The following NBPF20 variants were observed in gnomAD, a reference collection of about 807,000 sequenced individuals.
NBPF20 encodes the protein NBPF member 20.
In NBPF20, 90 loss-of-function variants were observed where a neutral mutation model predicts 68.1. The ratio of observed to expected loss-of-function variants is 1.32; its 90% CI spans 1.11 to 1.58. The LOEUF is 1.58. NBPF20 is among the 40% of genes most tolerant of loss of function. The pLI is 0.00. For missense variants in NBPF20, 816 were observed against 601.2 expected (o/e 1.36, Z -3.74); for synonymous variants, 290 against 228.1 (o/e 1.27, Z -2.45).
the NBPF20 span, among the ~76,000 whole-genome samples, chr1:145,417,590 T>C: frequency 8.2e-6 from 1 of 121,566 alleles, no homozygotes; most frequent in East Asian, 2.3e-4. Flanking sequence ...CCAAAATATA[T>C]GAAGAATTCT....
At chr1:145,425,403 C>A in the NBPF20 span, among the ~76,000 whole-genome samples, 1 of 152,148 alleles carries the variant, frequency 6.6e-6, no homozygotes, top group Non-Finnish European at 1.5e-5. Context: ...CCCATCCAGA[C>A]GGCAGCCGCG....
At chr1:145,398,508 A>G (rs1408656416) in intron 7 of NBPF20, among the ~76,000 whole-genome samples, 2 of 152,194 alleles carry the variant, frequency 1.3e-5, no homozygotes, top group East Asian at 3.8e-4. Context: ...AGGCAGAAAT[A>G]AAGATGTTCT....
At chr1:145,291,333 A>C in exon 138 of NBPF20, 1 of 907,714 alleles carries the variant, frequency 1.1e-6, no homozygotes, top group East Asian at 2.5e-5. Flanking sequence ...AACGTGTCAC[A>C]CCTAACGTGG....
Position 145,292,014 on chromosome 1 carries a change from T to A in NBPF20, c.16698-245A>T, listed in dbSNP as rs1245234281. Among the ~76,000 whole-genome samples, 8 of 149,780 alleles carry A rather than the reference T, an allele frequency of 5.3e-5. 2 individuals carry two copies. The highest frequency in any genetic ancestry group is 2.0e-4 in the African/African-American group (8 of 39,204). ...AGAGAGAGAAAGTGACCTAGTGAAT[T>A]GCCCAGGTGACATACTGGTAAGGGA... On this transcript the variant is annotated intron_variant, in intron 137 of 137. Transcript: ENST00000369373.
chr1:145,405,113 G>A lies in NBPF20; in HGVS notation c.160C>T (p.Gln54Ter), dbSNP rs782173491. ...TAGATCTTACTGTATTTCTTCTGCTGGTTGGCCAGGAAGCCGGCCAGTTGA... is the reference window on the plus strand; with the variant it reads ...TAGATCTTACTGTATTTCTTCTGCTAGTTGGCCAGGAAGCCGGCCAGTTGA... The change falls in exon 2 of 138, where the codon CAG becomes TAG. Residue 54 changes from glutamine to a stop codon, truncating the protein, a stop_gained. Coordinates refer to ENST00000369373, the Ensembl canonical transcript of NBPF20. LOFTEE classifies it high-confidence loss of function. 2 of 1,613,692 alleles carry A rather than the reference G, an allele frequency of 1.2e-6. No homozygotes were observed. Among genetic ancestry groups the A allele is most frequent in the Admixed American group, 1.7e-5 (1 of 60,026 alleles).
rs1187887355 is a variant in NBPF20, at chr1:145,405,504, G to A, written c.-130C>T. ...GCCTCAACTCAGAGCTGAAAGCACT[G>A]CCAGTAGCTCAGACTCTGATAAGAG... On this transcript the variant is annotated 5_prime_UTR_variant, in exon 1 of 138. The change creates a premature stop within an existing upstream ORF in the 5' untranslated region. Transcript: ENST00000369373. The A allele has an allele frequency of 8.7e-6, 13 of 1,498,380 alleles. No homozygotes were observed. The highest frequency in any genetic ancestry group is 3.0e-5 in the African/African-American group (2 of 67,276). 92.8% of individuals were successfully genotyped at this position (1,498,380 alleles called of 1,614,324 possible).
At chr1:145,394,195 T>C (rs1200532015) in intron 8 of NBPF20, among the ~76,000 whole-genome samples, 2 of 152,124 alleles carry the variant, frequency 1.3e-5, no homozygotes, top group African/African-American at 4.8e-5. Context: ...TGTACACAAA[T>C]GAGAAATTTT....
At chr1:145,393,498 G>A (rs1193677034) in intron 9 of NBPF20, among the ~76,000 whole-genome samples, 2 of 150,940 alleles carry the variant, frequency 1.3e-5, no homozygotes, top group Admixed American at 6.6e-5. Context: ...CACAGAGCGA[G>A]CTCAGTGAAT....
In NBPF20 at chr1:145,292,509, G is replaced by C. The variant is rs200273288; in HGVS notation, c.16589-20C>G. 3.6e-5 allele frequency: 25 copies of C among 698,106 alleles called. No individual in the cohort carries two copies. Among genetic ancestry groups the C allele is most frequent in the Non-Finnish European group, 5.8e-5 (23 of 394,282 alleles). 43.2% of individuals were successfully genotyped at this position (698,106 alleles called of 1,614,324 possible). On this transcript the variant is annotated intron_variant, in intron 136 of 137. Transcript: ENST00000369373. ...CAATTTCTGCAATAAATTCAGACAT[G>C]GACAGACACATTAAGCTGATTCCCC...
intron 61 of NBPF20, among the ~76,000 whole-genome samples, 197 bp from the exon 67 acceptor site, chr1:145,352,286 G>A (rs1206416153): frequency 1.2e-5 from 1 of 83,828 alleles, no homozygotes; most frequent in Non-Finnish European, 2.6e-5. Flanking sequence ...AAGACAGATA[G>A]ACACACACAC....
chr1:145,412,221 T>G, the NBPF20 span, among the ~76,000 whole-genome samples: 1 of 151,974 alleles, frequency 6.6e-6, no homozygotes, highest in African/African-American at 2.4e-5. Flanking sequence ...TTCCTCTGGC[T>G]CTGATATTCT....
chr1:145,405,305 G>C, exon 2 of NBPF20: 1 of 1,584,648 alleles, frequency 6.3e-7, no homozygotes, highest in East Asian at 2.2e-5. Context: ...GTGGAGTCAG[G>C]GACTGGGGAG....
exon 138 of NBPF20, chr1:145,291,564 G>A (rs1553657589): frequency 3.7e-6 from 6 of 1,611,868 alleles, no homozygotes; most frequent in African/African-American, 1.3e-5. Flanking sequence ...AACACCAGGT[G>A]GAGACTTGTC....
intron 112 of NBPF20, among the ~76,000 whole-genome samples, chr1:145,311,900 A>T (rs1157326780): frequency 1.8e-5 from 2 of 112,428 alleles, no homozygotes; most frequent in East Asian, 4.5e-4. Flanking sequence ...TGAAATCTAC[A>T]AGATCTACAA....
At chr1:145,309,507 G>T (rs1661449130) in intron 115 of NBPF20, among the ~76,000 whole-genome samples, 1 of 76,790 alleles carries the variant, frequency 1.3e-5, no homozygotes, top group South Asian at 4.9e-4. Context: ...CAGAGAGAGA[G>T]AACGAGCTCA....
rs1553662927 is a variant in NBPF20, at chr1:145,393,760, G to A, written c.1043+124C>T. The A allele has an allele frequency of 6.6e-6, 10 of 1,506,016 alleles. No individual in the cohort carries two copies. The East Asian group carries it at 9.0e-5, about 14-fold the overall frequency. 93.3% of individuals were successfully genotyped at this position (1,506,016 alleles called of 1,614,324 possible). A position where few individuals can be genotyped will look rare whatever the true frequency, so the allele number is the denominator to read the frequency against. ...CTAATGAGAACCAGAAAGCAATGTAGTAGGCATAATTCAGACTTGTCTGAC... is the reference window on the plus strand; with the variant it reads ...CTAATGAGAACCAGAAAGCAATGTAATAGGCATAATTCAGACTTGTCTGAC... On this transcript the variant is annotated intron_variant, in intron 9 of 137. Coordinates refer to ENST00000369373, the Ensembl canonical transcript of NBPF20.
the NBPF20 span, among the ~76,000 whole-genome samples, chr1:145,417,328 C>A: frequency 1.3e-5 from 2 of 148,300 alleles, no homozygotes; most frequent in South Asian, 2.2e-4. Context: ...AAATCTTACA[C>A]GTAAATGTAA....
chr1:145,401,061 G>A (rs1662499726), exon 5 of NBPF20: 2 of 1,589,138 alleles, frequency 1.3e-6, no homozygotes, highest in Admixed American at 1.7e-5. Context: ...AGTGTTACCT[G>A]GGGGCAGACG....
At chr1:145,400,242 G>A in intron 6 of NBPF20, 147 bp downstream of exon 11, 6 of 1,525,072 alleles carry the variant, frequency 3.9e-6, no homozygotes, top group Non-Finnish European at 5.4e-6. Context: ...GACATTAGCT[G>A]AGAAGGACAA....
Sources: gnomAD v4.1 joint callset for allele counts (sites outside exome capture counted in the v4.1 genomes callset) on GRCh38, gnomAD v4.1.1 for gene constraint, MANE v1.5 for transcripts, NCBI Gene and HGNC (gene_info 2026-07-23, HGNC 2026-07-21) for gene names.